Variants in PTPRG observed in about 807,000 individuals in gnomAD.
PTPRG encodes receptor-type tyrosine-protein phosphatase gamma.
PTPRG carries 102 observed loss-of-function variants against 165.3 expected under a neutral mutation model. The ratio of observed to expected loss-of-function variants is 0.62; its 90% CI spans 0.53 to 0.73. The LOEUF (loss-of-function observed/expected upper bound fraction) is 0.73, where lower values mean the gene tolerates loss of function less well. Among genes scored for constraint, PTPRG ranks in the 30% least tolerant of loss-of-function variants. The pLI, the probability that PTPRG is intolerant of heterozygous loss-of-function variation, is 0.00. For missense variants in PTPRG, 1,866 were observed against 1,861.4 expected, an observed-to-expected ratio of 1.00 and a Z score of -0.05; for synonymous variants, 675 against 669.5, an observed-to-expected ratio of 1.01 and a Z score of -0.13.
At chr3:62,082,773 A>G (rs538217620) in intron 5 of PTPRG, among the ~76,000 whole-genome samples, 71 of 152,352 alleles carry the variant, frequency 4.7e-4, no homozygotes, top group Non-Finnish European at 8.1e-4. Flanking sequence ...GGAAGGAAGA[A>G]CAACCTCCAT....
At chr3:62,128,548 G>T (rs945182568) in intron 5 of PTPRG, among the ~76,000 whole-genome samples, 4 of 151,690 alleles carry the variant, frequency 2.6e-5, no homozygotes, top group Non-Finnish European at 4.4e-5. Flanking sequence ...GTTGCCCGGT[G>T]TTATTGTCCT....
intron 2 of PTPRG, among the ~76,000 whole-genome samples, chr3:61,874,189 A>G (rs1037296777): frequency 1.3e-5 from 2 of 152,136 alleles, no homozygotes; most frequent in East Asian, 3.9e-4. Context: ...CTCCCCAGAC[A>G]GTATAATCAG....
chr3:61,568,457 T>C (rs1699976992), intron 1 of PTPRG, among the ~76,000 whole-genome samples: 1 of 152,202 alleles, frequency 6.6e-6, no homozygotes, highest in Non-Finnish European at 1.5e-5. Context: ...TCCCCTTCTA[T>C]TGGGACAACT....
At chr3:61,914,670 C>A (rs1172016860) in intron 2 of PTPRG, among the ~76,000 whole-genome samples, 1 of 152,180 alleles carries the variant, frequency 6.6e-6, no homozygotes, top group African/African-American at 2.4e-5. Context: ...TTCATTAATT[C>A]AATCTTCTTC....
chr3:61,672,721 GA>G (rs1374828739), intron 1 of PTPRG, among the ~76,000 whole-genome samples: 2 of 145,166 alleles, frequency 1.4e-5, no homozygotes, highest in African/African-American at 5.1e-5. Context: ...AAGAGAGGGA[GA>G]GGGAGACTGT....
intron 2 of PTPRG, among the ~76,000 whole-genome samples, chr3:61,832,891 G>A (rs1265404492): frequency 2.6e-5 from 4 of 152,050 alleles, no homozygotes; most frequent in African/African-American, 4.8e-5. Flanking sequence ...AAAGTCCAGC[G>A]TTATCATTCC....
intron 4 of PTPRG, among the ~76,000 whole-genome samples, chr3:62,020,966 C>T (rs1311536707): frequency 1.3e-5 from 2 of 152,028 alleles, no homozygotes; most frequent in Non-Finnish European, 2.9e-5. Context: ...TGAGCCACAG[C>T]ACCTGGCCTC....
chr3:62,202,495 T>C (rs570753925), intron 11 of PTPRG, among the ~76,000 whole-genome samples: 1 of 152,352 alleles, frequency 6.6e-6, no homozygotes, highest in East Asian at 1.9e-4. Flanking sequence ...GTTGTTGTCA[T>C]CTGTATGGGC....
chr3:61,846,278 A>G (rs184402275), intron 2 of PTPRG, among the ~76,000 whole-genome samples: 66 of 152,344 alleles, frequency 4.3e-4, no homozygotes, highest in African/African-American at 1.4e-3. Flanking sequence ...AATTCGTACA[A>G]TAGCAATTAA....
rs376833399 is a variant in PTPRG at position 61,563,477 on chromosome 3, G to A, written c.85+1105G>A. On this transcript the variant is annotated intron_variant, in intron 1 of 29. Coordinates refer to ENST00000474889, the MANE Select transcript of PTPRG (RefSeq NM_002841.4). ...TGCAGGTCCCCCGGGCAGCAGCCCC[G>A]AGCTCCCTCGTAGCTGTCCCTTGGG... 2.0e-3 allele frequency among the ~76,000 whole-genome samples: 300 copies of A among 152,196 alleles called. 2 individuals carry two copies. Among genetic ancestry groups the A allele is most frequent in the African/African-American group, 6.8e-3 (284 of 41,528 alleles).
chr3:61,992,822 A>G (rs1388032390), intron 3 of PTPRG, among the ~76,000 whole-genome samples: 2 of 151,856 alleles, frequency 1.3e-5, no homozygotes, highest in Admixed American at 6.6e-5. Context: ...GTGCCCGGCC[A>G]TGCCCGGCTA....
intron 2 of PTPRG, among the ~76,000 whole-genome samples, chr3:61,798,164 C>T (rs2035113432): frequency 6.6e-6 from 1 of 152,114 alleles, no homozygotes; most frequent in African/African-American, 2.4e-5. Context: ...AAAGATTAAC[C>T]CTGCCCAGTA....
chr3:61,752,785 C>CAAAAAAAAAAAAAAA (rs749817659), intron 2 of PTPRG, among the ~76,000 whole-genome samples: 10 of 69,980 alleles, frequency 1.4e-4, no homozygotes, highest in Non-Finnish European at 2.3e-4. Context: ...AAGACTGTCT[C>CAAAAAAAAAAAAAAA]AAAAAAAAAA....
intron 1 of PTPRG, among the ~76,000 whole-genome samples, chr3:61,662,461 C>G (rs1702693098): frequency 6.6e-6 from 1 of 152,216 alleles, no homozygotes; most frequent in Admixed American, 6.5e-5. Context: ...GCAGCCAACA[C>G]TTGACTGTAA....
intron 5 of PTPRG, among the ~76,000 whole-genome samples, chr3:62,087,675 A>G (rs1701796177): frequency 1.3e-5 from 2 of 152,306 alleles, no homozygotes; most frequent in South Asian, 2.1e-4. Context: ...AATGGCAACC[A>G]TATATCTCCA....
At chr3:62,111,574 C>T (rs1702667170) in intron 5 of PTPRG, among the ~76,000 whole-genome samples, 1 of 152,126 alleles carries the variant, frequency 6.6e-6, no homozygotes, top group Non-Finnish European at 1.5e-5. Context: ...TCTTAGCCTC[C>T]AAGTAGCTGA....
chr3:61,917,013 C>G lies in PTPRG; in HGVS notation c.191-72612C>G, dbSNP rs189905433. 5.8e-4 allele frequency among the ~76,000 whole-genome samples: 88 copies of G among 152,266 alleles called. No homozygotes were observed. The East Asian group carries it at 0.013, about 23-fold the overall frequency. On this transcript the variant is annotated intron_variant, in intron 2 of 29. Transcript: ENST00000474889. The stretch of plus-strand genomic sequence containing the variant: ...CATTCTGAGCTGTTTTCTTCTGAAG[C>G]CTTCGACCTCTCTTCATCCTAGCGA...
At chr3:62,032,255 C>T (rs1316550797) in intron 4 of PTPRG, among the ~76,000 whole-genome samples, 2 of 152,130 alleles carry the variant, frequency 1.3e-5, no homozygotes, top group Non-Finnish European at 2.9e-5. Flanking sequence ...TAGGATTAGT[C>T]AAAAGTGCCA....
chr3:62,061,871 C>T (rs2106692445), intron 4 of PTPRG, among the ~76,000 whole-genome samples: 1 of 151,766 alleles, frequency 6.6e-6, no homozygotes, highest in African/African-American at 2.4e-5. Flanking sequence ...GTCGGGTGAT[C>T]TGCCTACTTC....
Sources: gnomAD v4.1 joint callset for allele counts (sites outside exome capture counted in the v4.1 genomes callset) on GRCh38, gnomAD v4.1.1 for gene constraint, MANE v1.5 for transcripts, NCBI Gene and HGNC (gene_info 2026-07-23, HGNC 2026-07-21) for gene names.